DNAH14: variants seen among roughly 807,000 people sequenced by gnomAD.
DNAH14 encodes dynein axonemal heavy chain 14.
A neutral mutation model predicts 520.9 loss-of-function variants in DNAH14; 478 were observed. That is an observed-to-expected ratio of 0.92 (90% CI 0.85 to 0.99). DNAH14 has a LOEUF of 0.99. Ranked by LOEUF, DNAH14 falls within the 50% of genes least tolerant of loss-of-function variation. The pLI is 0.00. For synonymous variants in DNAH14, 1,581 were observed against 1,757.2 expected (o/e 0.90, Z 2.51); for missense variants, 4,831 against 5,234.5 (o/e 0.92, Z 2.38).
chr1:225,043,846 A>C, intron 14 of DNAH14, 40 bp from the exon 15 acceptor site: 1 of 1,470,018 alleles, frequency 6.8e-7, no homozygotes, highest in Non-Finnish European at 9.3e-7. Flanking sequence ...GGTAGTTATT[A>C]TATTCCTCTG....
At position 225,148,734 on chromosome 1, in the gene DNAH14, A is replaced by G. The variant is rs114254003; in HGVS notation, c.4940+1485A>G. Among the ~76,000 whole-genome samples the G allele has an allele frequency of 1.3e-3, 203 of 152,130 alleles. 1 individual carries two copies. The highest frequency in any genetic ancestry group is 4.6e-3 in the African/African-American group (192 of 41,510). ...TTTTTTGTATGCTTGTTGCCTGCAT[A>G]TATGTCTTCTTTTGAAAAGTGTCCC... On this transcript the variant is annotated intron_variant, in intron 31 of 85. Transcript: ENST00000682510.
intron 43 of DNAH14, among the ~76,000 whole-genome samples, chr1:225,251,118 G>A (rs1001747392): frequency 6.6e-6 from 1 of 151,790 alleles, no homozygotes; most frequent in Non-Finnish European, 1.5e-5. Context: ...GAATTTGACA[G>A]ACTAAGATTA....
At chr1:225,198,913 A>ATT (rs1261540667) in intron 38 of DNAH14, among the ~76,000 whole-genome samples, 6 of 152,158 alleles carry the variant, frequency 3.9e-5, no homozygotes, top group Non-Finnish European at 7.4e-5. Flanking sequence ...AATAAGATAG[A>ATT]TTGCTACCAA....
chr1:225,163,407 G>A (rs1484409113), intron 35 of DNAH14, among the ~76,000 whole-genome samples: 1 of 152,118 alleles, frequency 6.6e-6, no homozygotes, highest in Admixed American at 6.5e-5. Flanking sequence ...GAATAACAGT[G>A]GTGAAAATGG....
At chr1:225,111,038 T>C (rs2076435506) in intron 23 of DNAH14, among the ~76,000 whole-genome samples, 1 of 152,142 alleles carries the variant, frequency 6.6e-6, no homozygotes, top group South Asian at 2.1e-4. Flanking sequence ...TTTTGTGGCC[T>C]AACATATCAT....
intron 8 of DNAH14, among the ~76,000 whole-genome samples, chr1:224,994,063 C>T (rs1222181268): frequency 6.6e-6 from 1 of 151,958 alleles, no homozygotes. Context: ...CTGTTTCAGT[C>T]CTCCTAAAAT....
chr1:225,071,172 C>G (rs1362030143), intron 17 of DNAH14, among the ~76,000 whole-genome samples: 2 of 152,098 alleles, frequency 1.3e-5, no homozygotes, highest in African/African-American at 4.8e-5. Context: ...GACACTTAGT[C>G]CGTTTACATT....
At chr1:225,338,646 C>T (rs1205463349) in intron 68 of DNAH14, among the ~76,000 whole-genome samples, 1 of 152,122 alleles carries the variant, frequency 6.6e-6, no homozygotes, top group African/African-American at 2.4e-5. Context: ...TAAAGGGACT[C>T]CAGGAAATCC....
At chr1:225,292,613 A>T (rs2093917884) in intron 55 of DNAH14, among the ~76,000 whole-genome samples, 1 of 151,782 alleles carries the variant, frequency 6.6e-6, no homozygotes, top group South Asian at 2.1e-4. Flanking sequence ...AATTTTAGGA[A>T]TTTTTTTCTA....
chr1:225,247,249 G>T (rs1368405273), intron 43 of DNAH14, among the ~76,000 whole-genome samples: 1 of 151,940 alleles, frequency 6.6e-6, no homozygotes, highest in Non-Finnish European at 1.5e-5. Flanking sequence ...AGGGGAGGGA[G>T]AGCATTAGGA....
At chr1:224,953,034 A>G (rs2060275406) in intron 2 of DNAH14, 2 of 260,112 alleles carry the variant, frequency 7.7e-6, no homozygotes, top group Non-Finnish European at 7.4e-6. Context: ...GTTGTTGGAT[A>G]TGAGAAATTA....
At chr1:225,088,965 C>A (rs2074073142) in intron 21 of DNAH14, among the ~76,000 whole-genome samples, 1 of 152,142 alleles carries the variant, frequency 6.6e-6, no homozygotes, top group Non-Finnish European at 1.5e-5. Context: ...TTAAAACTTT[C>A]CTACAAGGAA....
intron 42 of DNAH14, 51 bp downstream of exon 42, chr1:225,231,202 A>T (rs2091074458): frequency 8.2e-7 from 1 of 1,218,754 alleles, no homozygotes; most frequent in Admixed American, 2.5e-5. Context: ...TAGGTGCCAG[A>T]CCCTCAAATA....
chr1:225,098,480 G>A (rs1336967552), intron 22 of DNAH14, among the ~76,000 whole-genome samples: 1 of 152,154 alleles, frequency 6.6e-6, no homozygotes. Flanking sequence ...GCCTATTATA[G>A]CAATGGAAAA....
rs73133598 is a variant in DNAH14, at chr1:225,147,270, T to C, written c.4940+21T>C. 2.4e-3 allele frequency: 3,698 copies of C among 1,520,934 alleles called. 74 individuals are homozygous for C. The African/African-American group carries it at 0.045, about 19-fold the overall frequency. The allele number at this position is 1,520,934 out of a possible 1,614,324, so 94.2% of individuals were successfully genotyped here. On this transcript the variant is annotated intron_variant, in intron 31 of 85. Coordinates refer to ENST00000682510, the MANE Select transcript of DNAH14 (RefSeq NM_001367479.1). ...GCCAGGTATTTGTCGAATGTGTTTA[T>C]ACCTTTTGAATTGAAATCTGATACA...
intron 10 of DNAH14, among the ~76,000 whole-genome samples, chr1:225,015,466 G>A (rs1436661485): frequency 6.6e-6 from 1 of 152,082 alleles, no homozygotes; most frequent in Non-Finnish European, 1.5e-5. Context: ...AGCTCTACTA[G>A]TGAGTTTTAT....
intron 42 of DNAH14, among the ~76,000 whole-genome samples, chr1:225,237,690 C>A (rs1429524628): frequency 6.6e-6 from 1 of 152,126 alleles, no homozygotes; most frequent in Admixed American, 6.6e-5. Context: ...TGGATGATAT[C>A]CTGAAGTATG....
intron 12 of DNAH14, among the ~76,000 whole-genome samples, 196 bp from the exon 13 acceptor site, chr1:225,042,629 GGGGGGAACTC>G (rs2067585201): frequency 1.3e-5 from 2 of 152,110 alleles, no homozygotes; most frequent in Non-Finnish European, 2.9e-5. Flanking sequence ...TACAGTCTTT[GGGGGGAACTC>G]CTTCATTACA....
In DNAH14 at chr1:225,318,611, T is replaced by G. The variant is rs979783606; in HGVS notation, c.9269T>G (p.Leu3090Arg). 1 of 1,548,792 alleles carries G rather than the reference T, an allele frequency of 6.5e-7. No homozygotes were observed. Among genetic ancestry groups the G allele is most frequent in the African/African-American group, 1.4e-5 (1 of 73,016 alleles). ...ACTGCCAATGAACTAAAAAGTGTGC[T>G]GCCAGCCTTTGACAAGGCAATTGTG... is the stretch of plus-strand genomic sequence containing the variant. The part of the protein sequence containing the change: ...QKTANELKSV[L>R]PAFDKAIVAL... The change falls in exon 61 of 86, where the codon CTG (leucine) becomes CGG (arginine). Residue 3090 changes from leucine to arginine, a missense_variant. Leu to Arg is a moderately radical substitution (Grantham distance 102). Coordinates refer to ENST00000682510, the MANE Select transcript of DNAH14 (RefSeq NM_001367479.1).
Sources: gnomAD v4.1 joint callset for allele counts (sites outside exome capture counted in the v4.1 genomes callset) on GRCh38, gnomAD v4.1.1 for gene constraint, MANE v1.5 for transcripts, NCBI Gene and HGNC (gene_info 2026-07-23, HGNC 2026-07-21) for gene names.